Variants in LHX8 observed in about 807,000 individuals in gnomAD.
LHX8 encodes LIM homeobox 8, also known as LIM/homeobox protein Lhx8.
A neutral mutation model predicts 40.3 loss-of-function variants in LHX8; 12 were observed. The observed-to-expected ratio is 0.30, with a 90% CI of 0.19 to 0.48. The LOEUF is 0.48. LHX8 is among the 20% of genes least tolerant of loss of function. LHX8 has a pLI of 0.99. For synonymous variants in LHX8, 179 were observed against 162.0 expected (o/e 1.10, Z -0.80); for missense variants, 344 against 433.7 (o/e 0.79, Z 1.84).
the LHX8 span, among the ~76,000 whole-genome samples, chr1:75,179,865 G>C: frequency 6.6e-6 from 1 of 152,138 alleles, no homozygotes; most frequent in Non-Finnish European, 1.5e-5. Flanking sequence ...TCCTTCAGGA[G>C]CTCTTGTAAG....
downstream of LHX8, among the ~76,000 whole-genome samples, chr1:75,163,805 G>A (rs1378095863): frequency 6.6e-6 from 1 of 152,154 alleles, no homozygotes; most frequent in Non-Finnish European, 1.5e-5. Flanking sequence ...GGTATTAAGA[G>A]GTAGGGCTTT....
the LHX8 span, among the ~76,000 whole-genome samples, chr1:75,188,470 A>G: frequency 1.3e-5 from 2 of 152,284 alleles, no homozygotes; most frequent in South Asian, 4.1e-4. Flanking sequence ...TTTTGAGCAA[A>G]GCTTGTCCTG....
At chr1:75,133,742 A>T (rs934037610), upstream of LHX8, among the ~76,000 whole-genome samples, 2 of 152,206 alleles carry the variant, frequency 1.3e-5, no homozygotes, top group African/African-American at 4.8e-5. Context: ...AACTTGAGGC[A>T]GAAGACAAGG....
At chr1:75,197,409 T>A in the LHX8 span, among the ~76,000 whole-genome samples, 1 of 152,168 alleles carries the variant, frequency 6.6e-6, no homozygotes, top group Non-Finnish European at 1.5e-5. Context: ...TTGATTTGAT[T>A]CGATTTGATT....
the LHX8 span, among the ~76,000 whole-genome samples, chr1:75,191,965 A>T: frequency 2.0e-5 from 3 of 152,208 alleles, no homozygotes; most frequent in African/African-American, 7.2e-5. Flanking sequence ...GAGAAAAAAT[A>T]TGTATAGCCA....
the LHX8 span, among the ~76,000 whole-genome samples, chr1:75,185,100 A>C: frequency 6.6e-6 from 1 of 151,502 alleles, no homozygotes; most frequent in South Asian, 2.1e-4. Flanking sequence ...TTTAAAATAG[A>C]ATCAGTAATA....
At chr1:75,149,828 A>G (rs1368090247) in intron 7 of LHX8, among the ~76,000 whole-genome samples, 1 of 152,156 alleles carries the variant, frequency 6.6e-6, no homozygotes, top group Non-Finnish European at 1.5e-5. Flanking sequence ...ATTATTGGCA[A>G]TGAGCCACCA....
Position 75,136,665 on chromosome 1 carries a change from C to T in LHX8, c.51C>T (p.Arg17=). Residue 17 remains arginine (R), a synonymous_variant, in exon 2 of 9, where the codon CGC becomes CGT. Coordinates refer to ENST00000356261, the MANE Select transcript of LHX8 (RefSeq NM_001256114.2). ...CAGCCCTGGCGGCCGGGAGGACTCG[C>T]AAAGGCGCCGGGGAAGAGGGACTGG... ...RTTALAAGRT[R]KGAGEEGLVS... is the part of the protein sequence containing the mutation. The T allele has an allele frequency of 6.5e-7, 1 of 1,547,936 alleles. No individual in the cohort carries two copies.
At chr1:75,138,833 G>A (rs1648225835) in intron 3 of LHX8, among the ~76,000 whole-genome samples, 1 of 152,058 alleles carries the variant, frequency 6.6e-6, no homozygotes, top group Admixed American at 6.6e-5. Flanking sequence ...TCTAAGTTAA[G>A]TGAGTTACAT....
chr1:75,160,833 A>G lies in LHX8; in HGVS notation c.979A>G (p.Thr327Ala), dbSNP rs1355370578. 6.2e-7 allele frequency: 1 copy of G among 1,612,600 alleles called. No individual in the cohort carries two copies. The highest frequency in any genetic ancestry group is 8.5e-7 in the Non-Finnish European group (1 of 1,178,816). The change falls in exon 9 of 9, where the codon ACT becomes GCT. Residue 327 changes from threonine (T) to alanine (A), a missense_variant. By Grantham distance (58) the Thr-to-Ala change is moderately conservative. This residue lies in a region of LHX8 where 89 missense variants were observed against 92.8 expected (regional missense o/e 0.96). Coordinates refer to ENST00000356261, the MANE Select transcript of LHX8 (RefSeq NM_001256114.2). ...HSYMDAHSPT[T>A]LGLQPLLPHS... ...CTATTTTGTAGCTCATTCACCAACA[A>G]CTCTTGGACTCCAGCCCTTGTTACC...
the LHX8 span, among the ~76,000 whole-genome samples, chr1:75,178,480 T>C: frequency 6.6e-6 from 1 of 152,088 alleles, no homozygotes; most frequent in Non-Finnish European, 1.5e-5. Flanking sequence ...ATAGTATTCT[T>C]TGATGGTAGT....
intron 1 of LHX8, among the ~76,000 whole-genome samples, chr1:75,136,048 T>A (rs1300791654): frequency 6.6e-6 from 1 of 152,214 alleles, no homozygotes; most frequent in Non-Finnish European, 1.5e-5. Context: ...AGCTTTCAAG[T>A]ATCCTATTAA....
intron 6 of LHX8, among the ~76,000 whole-genome samples, chr1:75,145,923 T>G (rs922029695): frequency 6.6e-6 from 1 of 152,158 alleles, no homozygotes; most frequent in Non-Finnish European, 1.5e-5. Context: ...CATTTTCAGA[T>G]TACTGATGAA....
In LHX8 at chr1:75,152,867, TTATA is replaced by T. The variant is rs572676405; in HGVS notation, c.781-4024_781-4021del. Among the ~76,000 whole-genome samples the T allele has an allele frequency of 3.0e-4, 46 of 152,352 alleles. No homozygotes were observed. The East Asian group carries it at 8.5e-3, about 28-fold the overall frequency. Reference sequence around the variant, plus strand: ...ATCTCATTGATTTTATTTCTGTTTCTTATATTATCAATGAGCTTGAACAAATTAG... The same window carrying T: ...ATCTCATTGATTTTATTTCTGTTTCTTTATCAATGAGCTTGAACAAATTAG... On this transcript the variant is annotated intron_variant, in intron 7 of 8. Coordinates refer to ENST00000356261, the MANE Select transcript of LHX8 (RefSeq NM_001256114.2).
At chr1:75,129,762 C>T (rs1647914071), upstream of LHX8, among the ~76,000 whole-genome samples, 1 of 152,082 alleles carries the variant, frequency 6.6e-6, no homozygotes, top group African/African-American at 2.4e-5. Flanking sequence ...AGTGGGAAAA[C>T]GGGGATGTGG....
chr1:75,139,518 A>G (rs1267836642), intron 3 of LHX8, among the ~76,000 whole-genome samples: 2 of 152,156 alleles, frequency 1.3e-5, no homozygotes, highest in East Asian at 1.9e-4. Context: ...TTTTAAAGGA[A>G]GCCTGTTCAT....
chr1:75,175,018 G>T, the LHX8 span, among the ~76,000 whole-genome samples: 21 of 152,166 alleles, frequency 1.4e-4, no homozygotes, highest in Non-Finnish European at 2.4e-4. Context: ...ACGCTTTTGC[G>T]TCCTCATAGC....
chr1:75,186,344 C>T, the LHX8 span, among the ~76,000 whole-genome samples: 3 of 152,062 alleles, frequency 2.0e-5, no homozygotes, highest in Non-Finnish European at 4.4e-5. Flanking sequence ...CAACAACAGA[C>T]ACATAGACCA....
chr1:75,143,421 T>G, intron 5 of LHX8, 83 bp downstream of exon 5: 1 of 935,718 alleles, frequency 1.1e-6, no homozygotes, highest in East Asian at 2.6e-5. Flanking sequence ...GTCATCTTAA[T>G]GCATTATTTT....
Sources: gnomAD v4.1 joint callset for allele counts (sites outside exome capture counted in the v4.1 genomes callset) on GRCh38, gnomAD v4.1.1 for gene constraint, gnomAD v4.1.1 regional missense constraint, MANE v1.5 for transcripts, NCBI Gene and HGNC (gene_info 2026-07-23, HGNC 2026-07-21) for gene names.